Variants in PCLO observed in about 807,000 individuals in gnomAD.
PCLO encodes piccolo presynaptic cytomatrix protein, also known as protein piccolo.
In PCLO, 82 loss-of-function variants were observed where a neutral mutation model predicts 427.5. That is an observed-to-expected ratio of 0.19 (90% CI 0.16 to 0.23). PCLO has a LOEUF of 0.23. Ranked by LOEUF, PCLO falls within the 10% of genes least tolerant of loss-of-function variation. The pLI, the probability that PCLO is intolerant of heterozygous loss-of-function variation, is 1.00. For missense variants in PCLO, 6,239 were observed against 6,115.9 expected (o/e 1.02, Z -0.67); for synonymous variants, 2,357 against 2,155.4 (o/e 1.09, Z -2.59).
chr7:82,992,258 C>A (rs1048483891), intron 3 of PCLO, among the ~76,000 whole-genome samples: 1 of 152,050 alleles, frequency 6.6e-6, no homozygotes, highest in African/African-American at 2.4e-5. Flanking sequence ...GATGTAGGTT[C>A]ATCCTCCTTG....
chr7:82,848,148 G>A (rs1161372752), intron 10 of PCLO, among the ~76,000 whole-genome samples: 2 of 151,792 alleles, frequency 1.3e-5, no homozygotes, highest in Non-Finnish European at 2.9e-5. Flanking sequence ...AGGGGTCCAC[G>A]TGTGGCATGA....
chr7:83,056,427 T>C (rs1182363424), intron 3 of PCLO, among the ~76,000 whole-genome samples: 1 of 152,192 alleles, frequency 6.6e-6, no homozygotes, highest in African/African-American at 2.4e-5. Flanking sequence ...TTTTTATATA[T>C]AATTGCCCTA....
chr7:82,764,447 T>G (rs1486471309), intron 22 of PCLO, among the ~76,000 whole-genome samples: 1 of 151,898 alleles, frequency 6.6e-6, no homozygotes, highest in Non-Finnish European at 1.5e-5. Flanking sequence ...ATTAAGCATA[T>G]CTATTATATC....
In PCLO at chr7:82,822,507, G is replaced by A. The variant is rs778257841; in HGVS notation, c.14779C>T (p.Arg4927Cys). 9 of 1,613,698 alleles carry A rather than the reference G, an allele frequency of 5.6e-6. No homozygotes were observed. The highest frequency in any genetic ancestry group is 2.7e-5 in the African/African-American group (2 of 74,886). Residue 4927 changes from arginine to cysteine, a missense_variant, in exon 20 of 25, where the codon CGC becomes TGC. Arg to Cys is a radical substitution (Grantham distance 180, BLOSUM62 -3). Around this residue, in one of 5 missense-constraint regions of PCLO, gnomAD observed 877 missense variants for 925.5 expected, o/e 0.95. Transcript: ENST00000333891. Reference protein sequence around the residue: ...AAAEAAVQQLRIQPTKPPNHR... With the variant: ...AAAEAAVQQLCIQPTKPPNHR... ...TTGCGTCTTTTACTTGGTTGAATGC[G>A]GAGTTGTTGCACGGCAGCTTCGGCA...
intron 2 of PCLO, among the ~76,000 whole-genome samples, chr7:83,143,537 T>C (rs991631752): frequency 3.0e-5 from 2 of 67,692 alleles, no homozygotes; most frequent in African/African-American, 1.3e-4. Context: ...AAATATGCAC[T>C]CTTTTCACAA....
intron 3 of PCLO, among the ~76,000 whole-genome samples, chr7:83,014,710 T>C (rs1241338483): frequency 6.6e-6 from 1 of 152,070 alleles, no homozygotes; most frequent in Non-Finnish European, 1.5e-5. Flanking sequence ...GAGGCAAGGC[T>C]GCACCATTTG....
At chr7:83,158,466 T>G (rs2116700891) in intron 1 of PCLO, among the ~76,000 whole-genome samples, 1 of 152,104 alleles carries the variant, frequency 6.6e-6, no homozygotes, top group Non-Finnish European at 1.5e-5. Context: ...TTAGGCATTT[T>G]ATTTAAATAA....
chr7:83,144,069 C>T lies in PCLO; in HGVS notation c.1894-8413G>A, dbSNP rs1791933275. On this transcript the variant is annotated intron_variant, in intron 2 of 24. Coordinates refer to ENST00000333891, the MANE Select transcript of PCLO (RefSeq NM_033026.6). ...AGCATATCTTTAAATCAGACGCTCA[C>T]TAGGATTAAGCCAATTAGTTGCATG... is the stretch of plus-strand genomic sequence containing the variant. 3.3e-5 allele frequency among the ~76,000 whole-genome samples: 5 copies of T among 152,292 alleles called. No homozygotes were observed. The South Asian group carries it at 8.3e-4, about 25-fold the overall frequency.
intron 22 of PCLO, among the ~76,000 whole-genome samples, chr7:82,768,378 A>G (rs1004150836): frequency 2.0e-5 from 3 of 151,726 alleles, no homozygotes; most frequent in African/African-American, 7.3e-5. Context: ...AGCCAGGATC[A>G]TGCCACTGCA....
rs1338861264 is a variant in PCLO, at chr7:82,953,974, C to G, written c.6979G>C (p.Glu2327Gln). The change falls in exon 5 of 25, where the codon GAG becomes CAG. Residue 2327 changes from glutamate (E) to glutamine (Q), a missense_variant. Transcript: ENST00000333891. ...AAGCTACTTTTTGTTCGTTCGGCCT[C>G]CAACTCCTTTTTATCTCTGTAAGCT... is the stretch of plus-strand genomic sequence containing the variant. The part of the protein sequence containing the change: ...LEAYRDKKEL[E>Q]AERTKSSLSE... The G allele has an allele frequency of 1.9e-6, 3 of 1,613,920 alleles. No individual in the cohort carries two copies. The highest frequency in any genetic ancestry group is 2.5e-6 in the Non-Finnish European group (3 of 1,179,868).
intron 19 of PCLO, among the ~76,000 whole-genome samples, chr7:82,823,913 T>C (rs1275710274): frequency 2.0e-5 from 3 of 152,176 alleles, no homozygotes; most frequent in Non-Finnish European, 4.4e-5. Flanking sequence ...TTTTGTATTA[T>C]CTTTATGAAA....
Position 82,804,911 on chromosome 7 carries a change from T to C in PCLO, c.14933+777A>G, listed in dbSNP as rs140606952. ...CCCTGGGACCTGGGTGGCCCAGTGG[T>C]ATTTTCAAAATCCAGAAGACTAGTT... is the stretch of plus-strand genomic sequence containing the variant. On this transcript the variant is annotated intron_variant, in intron 21 of 24. Coordinates refer to ENST00000333891, the MANE Select transcript of PCLO (RefSeq NM_033026.6). Among the ~76,000 whole-genome samples the C allele has an allele frequency of 3.9e-5, 6 of 152,274 alleles. No individual in the cohort carries two copies. In the East Asian group the frequency reaches 1.2e-3, roughly 29 times the overall value.
At chr7:83,151,328 A>T (rs1792124193) in intron 2 of PCLO, among the ~76,000 whole-genome samples, 1 of 152,220 alleles carries the variant, frequency 6.6e-6, no homozygotes, top group African/African-American at 2.4e-5. Flanking sequence ...ATGTACAATA[A>T]ATTTAAAGGC....
In PCLO at chr7:82,824,335, C is replaced by T. The variant is rs1382885046; in HGVS notation, c.14497G>A (p.Asp4833Asn). 9.3e-6 allele frequency: 15 copies of T among 1,612,894 alleles called. No individual in the cohort carries two copies. Among genetic ancestry groups the T allele is most frequent in the Non-Finnish European group, 1.1e-5 (13 of 1,179,406 alleles). The change falls in exon 19 of 25, where the codon GAT becomes AAT. Residue 4833 changes from aspartate (D) to asparagine (N), a missense_variant. Asp to Asn is a conservative substitution (Grantham distance 23, BLOSUM62 1). Transcript: ENST00000333891. ...TGACTGGAATGAGACTTGCCATGAT[C>T]AATGCTTTCAGTCTGTTCTTTGAGA... ...YPLKEQTESIDHGKSHSSQSS... is the reference protein window; with the variant it reads ...YPLKEQTESINHGKSHSSQSS...
intron 3 of PCLO, among the ~76,000 whole-genome samples, chr7:83,063,299 A>G (rs1364739936): frequency 6.6e-6 from 1 of 152,100 alleles, no homozygotes; most frequent in Non-Finnish European, 1.5e-5. Context: ...ATGAAGCTAA[A>G]TCCAAGTTCT....
intron 3 of PCLO, among the ~76,000 whole-genome samples, chr7:83,036,421 T>C (rs956092233): frequency 2.0e-5 from 3 of 152,172 alleles, no homozygotes; most frequent in African/African-American, 7.2e-5. Flanking sequence ...TGCAGATTGA[T>C]TGCTAGTTAA....
chr7:82,868,199 T>C (rs1463909966), intron 10 of PCLO: 1 of 456,634 alleles, frequency 2.2e-6, no homozygotes, highest in Admixed American at 2.3e-5. Flanking sequence ...ATGCCATCTG[T>C]AACATATGCC....
chr7:83,034,543 C>G (rs1213598082), intron 3 of PCLO, among the ~76,000 whole-genome samples: 1 of 152,160 alleles, frequency 6.6e-6, no homozygotes, highest in East Asian at 1.9e-4. Flanking sequence ...ATGTAACTTT[C>G]CAATAATGAT....
At chr7:82,870,212 A>G (rs554443540) in intron 10 of PCLO, among the ~76,000 whole-genome samples, 2 of 152,214 alleles carry the variant, frequency 1.3e-5, no homozygotes, top group Admixed American at 1.3e-4. Flanking sequence ...TATACTAACC[A>G]AAAGAGCATG....
Sources: gnomAD v4.1 joint callset for allele counts (sites outside exome capture counted in the v4.1 genomes callset) on GRCh38, gnomAD v4.1.1 for gene constraint, gnomAD v4.1.1 regional missense constraint, MANE v1.5 for transcripts, NCBI Gene and HGNC (gene_info 2026-07-23, HGNC 2026-07-21) for gene names.